The following TMEM144 variants were observed in gnomAD, a reference collection of about 807,000 sequenced individuals.
The protein encoded by TMEM144 is transmembrane protein 144.
Under a neutral mutation model 43.6 loss-of-function variants are expected in TMEM144, and 39 were observed. The ratio of observed to expected loss-of-function variants is 0.90; its 90% CI spans 0.69 to 1.17. The LOEUF (loss-of-function observed/expected upper bound fraction) is 1.17. Ranked by LOEUF, TMEM144 falls within the 50% of genes most tolerant of loss-of-function variation. The pLI is 0.00. For missense variants in TMEM144, 417 were observed against 411.9 expected, an observed-to-expected ratio of 1.01 and a Z score of -0.11; for synonymous variants, 154 against 133.6, an observed-to-expected ratio of 1.15 and a Z score of -1.06.
intron 6 of TMEM144, among the ~76,000 whole-genome samples, chr4:158,232,434 G>A (rs1179929298): frequency 6.6e-6 from 1 of 152,188 alleles, no homozygotes; most frequent in African/African-American, 2.4e-5. Flanking sequence ...GTCAGAAGTG[G>A]ACACACCGGT....
Position 158,253,459 on chromosome 4 carries a change from C to T in TMEM144, c.970C>T (p.Leu324=). 6.2e-7 allele frequency: 1 copy of T among 1,613,286 alleles called. No individual in the cohort carries two copies. The highest frequency in any genetic ancestry group is 8.5e-7 in the Non-Finnish European group (1 of 1,179,656). The change falls in exon 13 of 13, where the codon CTA becomes TTA. Residue 324 remains leucine, a synonymous_variant. Coordinates refer to ENST00000296529, the MANE Select transcript of TMEM144 (RefSeq NM_018342.5). The part of the protein sequence containing the change: ...FKEIKGLQNY[L]LMILAFCIIL... ...TCTTATTCAGGGTCTACAAAACTAC[C>T]TATTAATGATACTTGCATTTTGCAT...
intron 6 of TMEM144, among the ~76,000 whole-genome samples, chr4:158,231,835 A>G (rs2111128049): frequency 6.6e-6 from 1 of 152,328 alleles, no homozygotes; most frequent in Non-Finnish European, 1.5e-5. Context: ...ATCAAAAAGG[A>G]AAGTTAAATC....
At chr4:158,235,723 A>C in intron 8 of TMEM144, 1 of 417,798 alleles carries the variant, frequency 2.4e-6, no homozygotes, top group Non-Finnish European at 4.3e-6. Flanking sequence ...AAATCATTGC[A>C]TTTATCTCCA....
chr4:158,215,165 C>T (rs770564100), intron 3 of TMEM144, 26 bp from the exon 4 acceptor site: 4 of 1,613,002 alleles, frequency 2.5e-6, no homozygotes, highest in African/African-American at 1.3e-5. Context: ...ATTTGAACCA[C>T]TAACACTGAG....
rs1006367809 is a variant in TMEM144, at chr4:158,217,198, T to G, written c.233-123T>G. On this transcript the variant is annotated intron_variant, in intron 4 of 12. Transcript: ENST00000296529. The stretch of plus-strand genomic sequence containing the variant: ...ATTTTACTGAAAAAATAAGGAACTG[T>G]GCTTTACTAAATTTGTCCAAATCAC... 3.6e-5 allele frequency: 22 copies of G among 619,648 alleles called. No homozygotes were observed. In the African/African-American group the frequency reaches 4.1e-4, roughly 11 times the overall value. 38.4% of individuals were successfully genotyped at this position (619,648 alleles called of 1,614,324 possible).
At chr4:158,252,060 T>C (rs1223712673) in intron 12 of TMEM144, among the ~76,000 whole-genome samples, 1 of 152,152 alleles carries the variant, frequency 6.6e-6, no homozygotes. Context: ...AAGAGATGCC[T>C]CCAGGGATAT....
chr4:158,212,183 T>C (rs887283296), intron 2 of TMEM144: 1 of 152,240 alleles, frequency 6.6e-6, no homozygotes, highest in Admixed American at 6.5e-5. Flanking sequence ...CTCGGGAAAC[T>C]AAAAATCTGA....
Position 158,212,698 on chromosome 4 carries a change from G to C in TMEM144, c.31G>C (p.Gly11Arg). Residue 11 changes from glycine to arginine, a missense_variant, in exon 3 of 13, where the codon GGT becomes CGT. Physicochemically the swap from Gly to Arg is moderately radical, Grantham distance 125. Transcript: ENST00000296529. Reference sequence around the variant, plus strand: ...CAACAATGGAGCAGACCTAACCTTTGGTTACATCTCCTGTTTTGTAGCTAT... The same window carrying C: ...CAACAATGGAGCAGACCTAACCTTTCGTTACATCTCCTGTTTTGTAGCTAT... MSNNGADLTF[G>R]YISCFVAILL... 2 of 1,613,490 alleles carry C rather than the reference G, an allele frequency of 1.2e-6. No homozygotes were observed. The highest frequency in any genetic ancestry group is 1.7e-6 in the Non-Finnish European group (2 of 1,179,806).
intron 5 of TMEM144, among the ~76,000 whole-genome samples, chr4:158,218,459 A>G (rs959416199): frequency 2.6e-5 from 4 of 152,074 alleles, no homozygotes; most frequent in Admixed American, 1.3e-4. Context: ...CTAACTTCCA[A>G]TACATTCTCT....
At position 158,254,342 on chromosome 4, in the gene TMEM144, CTT is replaced by C. The variant is rs1003203236; in HGVS notation, c.*818_*819del. On this transcript the variant is annotated 3_prime_UTR_variant, in exon 13 of 13. Transcript: ENST00000296529. ...GTACAACTTTTTTTTCTGAAATACA[CTT>C]TTCTAAAACCCTCTTAACTGGAGGT... 7 of 151,682 alleles carry C rather than the reference CTT, an allele frequency of 4.6e-5. No individual in the cohort carries two copies. Among genetic ancestry groups the C allele is most frequent in the African/African-American group, 1.7e-4 (7 of 41,260 alleles). 9.4% of individuals were successfully genotyped at this position (151,682 alleles called of 1,614,324 possible). A position where few individuals can be genotyped will look rare whatever the true frequency, so the allele number is the denominator to read the frequency against.
chr4:158,228,616 G>A (rs575991442), intron 6 of TMEM144, among the ~76,000 whole-genome samples: 12 of 152,270 alleles, frequency 7.9e-5, no homozygotes, highest in African/African-American at 2.4e-4. Flanking sequence ...CTACCCGGGA[G>A]CGCTCTCAGG....
rs577420514 is a variant in TMEM144 at position 158,245,948 on chromosome 4, A to G, written c.954+1599A>G. 1.4e-3 allele frequency among the ~76,000 whole-genome samples: 216 copies of G among 152,086 alleles called. 1 individual carries two copies. The highest frequency in any genetic ancestry group is 5.0e-3 in the African/African-American group (207 of 41,504). On this transcript the variant is annotated intron_variant, in intron 12 of 12. Transcript: ENST00000296529. Reference sequence around the variant, plus strand: ...GTCTCCTCAAAAAAGAAAAAGAAAAAAAAAGAAAGAATAAGAAAACTCACA... The same window carrying G: ...GTCTCCTCAAAAAAGAAAAAGAAAAGAAAAGAAAGAATAAGAAAACTCACA...
chr4:158,217,676 T>C (rs1373418567), intron 5 of TMEM144, among the ~76,000 whole-genome samples: 1 of 152,212 alleles, frequency 6.6e-6, no homozygotes, highest in East Asian at 1.9e-4. Flanking sequence ...AAACTGATTT[T>C]TATTGTCCCT....
chr4:158,244,594 C>T (rs1211300697), intron 12 of TMEM144, among the ~76,000 whole-genome samples: 2 of 152,014 alleles, frequency 1.3e-5, no homozygotes, highest in Admixed American at 6.5e-5. Context: ...TGCTTGAACC[C>T]GGGAGGCGGA....
chr4:158,244,168 GT>G (rs1353379079), intron 11 of TMEM144, 127 bp from the exon 12 acceptor site: 3 of 515,966 alleles, frequency 5.8e-6, no homozygotes, highest in Non-Finnish European at 9.6e-6. Flanking sequence ...TTAGTGTGGA[GT>G]TAGGGTTGAT....
At chr4:158,234,192 C>G (rs1266289072) in intron 7 of TMEM144, 1 of 152,132 alleles carries the variant, frequency 6.6e-6, no homozygotes, top group Non-Finnish European at 1.5e-5. Flanking sequence ...GAATTCAAAT[C>G]TACTTTCTTG....
rs541824896 is a variant in TMEM144 at position 158,241,556 on chromosome 4, A to G, written c.850A>G (p.Ile284Val). 1.2e-6 allele frequency: 2 copies of G among 1,614,054 alleles called. No individual in the cohort carries two copies. Among genetic ancestry groups the G allele is most frequent in the South Asian group, 1.1e-5 (1 of 91,080 alleles). The change falls in exon 11 of 13, where the codon ATA becomes GTA. Residue 284 changes from isoleucine to valine, a missense_variant. Transcript: ENST00000296529. ...GGCTATAGCTACCTGCTGTTGGTTCATAGCAAATCACTCTCTGAGTGCTGT... is the reference window on the plus strand; with the variant it reads ...GGCTATAGCTACCTGCTGTTGGTTCGTAGCAAATCACTCTCTGAGTGCTGT... ...LWAIATCCWF[I>V]ANHSLSAVVS...
intron 4 of TMEM144, among the ~76,000 whole-genome samples, chr4:158,216,039 T>C (rs1734204758): frequency 6.6e-6 from 1 of 152,226 alleles, no homozygotes; most frequent in South Asian, 2.1e-4. Context: ...AGGAGTTAAA[T>C]GATTTAGTGA....
At chr4:158,244,087 T>C (rs972407089) in intron 11 of TMEM144, among the ~76,000 whole-genome samples, 2 of 152,056 alleles carry the variant, frequency 1.3e-5, no homozygotes, top group Non-Finnish European at 2.9e-5. Context: ...ATAATCAAAA[T>C]GAAGACCATG....
Sources: gnomAD v4.1 joint callset for allele counts (sites outside exome capture counted in the v4.1 genomes callset) on GRCh38, gnomAD v4.1.1 for gene constraint, MANE v1.5 for transcripts, NCBI Gene and HGNC (gene_info 2026-07-23, HGNC 2026-07-21) for gene names.